Variants in BBX observed in about 807,000 individuals in gnomAD.
BBX encodes HMG box transcription factor BBX.
In BBX, 30 loss-of-function variants were observed where a neutral mutation model predicts 100.2. The observed-to-expected ratio is 0.30, with a 90% confidence interval of 0.22 to 0.41. The LOEUF (loss-of-function observed/expected upper bound fraction) is 0.41. Ranked by LOEUF, BBX falls within the 10% of genes least tolerant of loss-of-function variation. The pLI, the probability that BBX is intolerant of heterozygous loss-of-function variation, is 1.00. For synonymous variants in BBX, 376 were observed against 388.1 expected, an observed-to-expected ratio of 0.97 and a Z score of 0.37; for missense variants, 1,023 against 1,129.8, an observed-to-expected ratio of 0.91 and a Z score of 1.35.
chr3:107,585,758 G>A (rs2052786987), intron 2 of BBX, among the ~76,000 whole-genome samples: 1 of 152,074 alleles, frequency 6.6e-6, no homozygotes, highest in African/African-American at 2.4e-5. Context: ...TGATATATAT[G>A]ACTCTCTGGA....
chr3:107,803,784 A>C (rs1199063759), intron 17 of BBX, among the ~76,000 whole-genome samples: 1 of 152,150 alleles, frequency 6.6e-6, no homozygotes, highest in African/African-American at 2.4e-5. Context: ...ATCATGAAGA[A>C]TCTCACCTGA....
At chr3:107,558,352 G>C (rs1479765209) in intron 2 of BBX, among the ~76,000 whole-genome samples, 3 of 152,186 alleles carry the variant, frequency 2.0e-5, no homozygotes, top group African/African-American at 7.2e-5. Context: ...GCCGGTTGTG[G>C]TGGCTTGCAT....
chr3:107,759,570 A>G lies in BBX; in HGVS notation c.906+3892A>G, dbSNP rs150554101. ...TCTGAACCTGTGTACATTTCAGCAA[A>G]GAAAAATTCTACCCTTGAAGATCTC... On this transcript the variant is annotated intron_variant, in intron 10 of 17. Coordinates refer to ENST00000325805, the MANE Select transcript of BBX (RefSeq NM_001142568.3). 5.0e-3 allele frequency among the ~76,000 whole-genome samples: 754 copies of G among 152,306 alleles called. 6 individuals carry two copies. The highest frequency in any genetic ancestry group is 0.017 in the African/African-American group (724 of 41,556).
intron 2 of BBX, among the ~76,000 whole-genome samples, chr3:107,585,337 G>A (rs553659796): frequency 1.4e-4 from 22 of 152,250 alleles, no homozygotes; most frequent in African/African-American, 5.1e-4. Flanking sequence ...ACCTGGAAAC[G>A]GAGAAGAGAG....
chr3:107,615,477 T>C (rs1322144483), intron 2 of BBX, among the ~76,000 whole-genome samples: 1 of 152,164 alleles, frequency 6.6e-6, no homozygotes, highest in African/African-American at 2.4e-5. Context: ...CCTTACATTG[T>C]AGAAAGAGCA....
rs2058545573 is a variant in BBX at position 107,663,068 on chromosome 3, A to G, written c.-10+17159A>G. Among the ~76,000 whole-genome samples, 3 of 152,196 alleles carry G rather than the reference A, an allele frequency of 2.0e-5. No individual in the cohort carries two copies. In the South Asian group the frequency reaches 6.2e-4, roughly 32 times the overall value. On this transcript the variant is annotated intron_variant, in intron 3 of 17. Coordinates refer to ENST00000325805, the MANE Select transcript of BBX (RefSeq NM_001142568.3). ...TAATGACCCTTTGTACCTTCTGCTA[A>G]TAAAACATTAGAAAACTGTGTTTCA...
chr3:107,750,323 C>G (rs1486153019), intron 9 of BBX, among the ~76,000 whole-genome samples: 1 of 152,042 alleles, frequency 6.6e-6, no homozygotes, highest in South Asian at 2.1e-4. Flanking sequence ...AATTTGAAAA[C>G]TTATTAGGAG....
intron 5 of BBX, among the ~76,000 whole-genome samples, chr3:107,724,331 C>T (rs1188165062): frequency 1.3e-5 from 2 of 152,064 alleles, no homozygotes; most frequent in African/African-American, 4.8e-5. Context: ...GAGTAGATTG[C>T]AAAAATTTTC....
chr3:107,548,085 A>G (rs2049372567), intron 2 of BBX, among the ~76,000 whole-genome samples: 1 of 152,190 alleles, frequency 6.6e-6, no homozygotes, highest in Non-Finnish European at 1.5e-5. Flanking sequence ...CCTGGGAGGC[A>G]TCGAGGTTTG....
chr3:107,643,402 A>G (rs745633125), intron 2 of BBX, among the ~76,000 whole-genome samples: 1 of 151,866 alleles, frequency 6.6e-6, no homozygotes, highest in Non-Finnish European at 1.5e-5. Flanking sequence ...GCTGGCTAGG[A>G]CTGGGAGGGG....
intron 10 of BBX, among the ~76,000 whole-genome samples, chr3:107,760,720 A>G (rs2065832249): frequency 7.0e-6 from 1 of 141,956 alleles, no homozygotes; most frequent in African/African-American, 2.6e-5. Context: ...GAAAAAACTG[A>G]TGATGGTTTT....
At chr3:107,745,090 A>G (rs1027897520) in intron 8 of BBX, among the ~76,000 whole-genome samples, 5 of 152,026 alleles carry the variant, frequency 3.3e-5, no homozygotes, top group African/African-American at 1.2e-4. Context: ...TAATCTATGC[A>G]TTTCTTTTTC....
chr3:107,741,608 G>A (rs909663042), intron 7 of BBX, among the ~76,000 whole-genome samples: 7 of 151,634 alleles, frequency 4.6e-5, no homozygotes, highest in South Asian at 2.1e-4. Context: ...CTTAATTAAC[G>A]AACAAATATC....
intron 2 of BBX, among the ~76,000 whole-genome samples, chr3:107,582,187 G>C (rs185847984): frequency 1.3e-4 from 19 of 151,718 alleles, no homozygotes; most frequent in Non-Finnish European, 2.4e-4. Flanking sequence ...TCTATAGGTA[G>C]CAAATATTAA....
At chr3:107,739,806 C>A (rs2063930301) in intron 7 of BBX, among the ~76,000 whole-genome samples, 1 of 152,132 alleles carries the variant, frequency 6.6e-6, no homozygotes. Flanking sequence ...GTGAAGAAGG[C>A]AAGTAGACAG....
chr3:107,625,422 C>T (rs530708815), intron 2 of BBX, among the ~76,000 whole-genome samples: 47 of 152,282 alleles, frequency 3.1e-4, no homozygotes, highest in Non-Finnish European at 3.2e-4. Flanking sequence ...GCATTACAGG[C>T]ATGCGCCACT....
chr3:107,755,225 CA>C (rs1183019434), intron 9 of BBX, among the ~76,000 whole-genome samples: 3 of 152,012 alleles, frequency 2.0e-5, no homozygotes, highest in African/African-American at 2.4e-5. Context: ...ATATATTCTT[CA>C]AAAAAATTGT....
intron 10 of BBX, among the ~76,000 whole-genome samples, chr3:107,765,477 G>T (rs1403359825): frequency 6.6e-6 from 1 of 151,950 alleles, no homozygotes; most frequent in Non-Finnish European, 1.5e-5. Flanking sequence ...GTGTGTGTAT[G>T]TGTGTTTTCT....
chr3:107,804,988 C>A (rs1224488447), intron 17 of BBX, among the ~76,000 whole-genome samples: 1 of 152,082 alleles, frequency 6.6e-6, no homozygotes, highest in Non-Finnish European at 1.5e-5. Context: ...AAATTATTGT[C>A]CAAGAACCCC....
Sources: allele counts gnomAD v4.1 joint callset (sites outside exome capture counted in the v4.1 genomes callset), GRCh38; gene constraint gnomAD v4.1.1; transcripts MANE v1.5; gene names NCBI Gene and HGNC (gene_info 2026-07-23, HGNC 2026-07-21).